ILDR2: variants seen among roughly 807,000 people sequenced by gnomAD.
ILDR2 encodes immunoglobulin like domain containing receptor 2.
A neutral mutation model predicts 66.8 loss-of-function variants in ILDR2; 25 were observed. That is an observed-to-expected ratio of 0.37 (90% CI 0.27 to 0.52). The LOEUF is 0.52. ILDR2 is among the 20% of genes least tolerant of loss of function. ILDR2 has a pLI of 0.88. For synonymous variants in ILDR2, 367 were observed against 357.2 expected (o/e 1.03, Z -0.31); for missense variants, 827 against 876.8 (o/e 0.94, Z 0.72).
At position 166,908,540 on chromosome 1, in the gene ILDR2, C is replaced by CTT. The variant is rs780834693; in HGVS notation, c.*10813_*10814dup. On this transcript the variant is annotated 3_prime_UTR_variant, in exon 10 of 10. Transcript: ENST00000271417. The stretch of plus-strand genomic sequence containing the variant: ...GCAAAATGTCCCCTGTTCTATGGAA[C>CTT]TTAGAGAGGAAGGGAGAAGCACCTT... The CTT allele has an allele frequency of 1.3e-5, 2 of 152,168 alleles. No individual in the cohort carries two copies. Among genetic ancestry groups the CTT allele is most frequent in the Non-Finnish European group, 2.9e-5 (2 of 68,034 alleles). The allele number at this position is 152,168 out of a possible 1,614,324, so 9.4% of individuals were successfully genotyped here.
intron 1 of ILDR2, among the ~76,000 whole-genome samples, chr1:166,963,580 C>G (rs540271099): frequency 2.0e-5 from 3 of 152,144 alleles, no homozygotes; most frequent in Non-Finnish European, 2.9e-5. Context: ...CCATATTTTT[C>G]TAGAATACCG....
In ILDR2 at chr1:166,920,791, G is replaced by C. The variant is rs773747676; in HGVS notation, c.1800C>G (p.Thr600=). The C allele has an allele frequency of 1.3e-6, 2 of 1,531,652 alleles. No homozygotes were observed. The highest frequency in any genetic ancestry group is 1.2e-5 in the South Asian group (1 of 81,624). 94.9% of individuals were successfully genotyped at this position (1,531,652 alleles called of 1,614,324 possible). The change falls in exon 9 of 10, where the codon ACC becomes ACG. Residue 600 remains threonine, a synonymous_variant. Coordinates refer to ENST00000271417, the MANE Select transcript of ILDR2 (RefSeq NM_199351.3). ...CGCGGCCGCGGTAGGACGGGCCGCGGGTCAGCTCCAGCTCGCTGTAGGGCG... is the reference window on the plus strand; with the variant it reads ...CGCGGCCGCGGTAGGACGGGCCGCGCGTCAGCTCCAGCTCGCTGTAGGGCG... ...ALPPYSELEL[T]RGPSYRGRDL... is the part of the protein sequence containing the mutation.
intron 3 of ILDR2, among the ~76,000 whole-genome samples, chr1:166,941,448 A>C (rs1274928847): frequency 6.6e-6 from 1 of 152,202 alleles, no homozygotes; most frequent in Non-Finnish European, 1.5e-5. Flanking sequence ...AAGCTTGAGA[A>C]AGTGATTAAG....
chr1:166,958,961 C>T (rs1340722132), intron 1 of ILDR2, among the ~76,000 whole-genome samples: 1 of 152,182 alleles, frequency 6.6e-6, no homozygotes, highest in African/African-American at 2.4e-5. Flanking sequence ...GGTACTCCGT[C>T]ATCTAGTTCC....
At chr1:166,935,592 G>T (rs748131834) in intron 5 of ILDR2, 115 bp from the exon 6 acceptor site, 1 of 893,948 alleles carries the variant, frequency 1.1e-6, no homozygotes, top group Non-Finnish European at 1.7e-6. Flanking sequence ...GTATGTGCAT[G>T]TGTGAGCGTT....
chr1:166,956,421 T>C (rs574347422), intron 3 of ILDR2, among the ~76,000 whole-genome samples: 1 of 141,810 alleles, frequency 7.1e-6, no homozygotes, highest in Non-Finnish European at 1.5e-5. Flanking sequence ...AAAATTAGCA[T>C]ATAACAAGAC....
chr1:166,957,867 A>G lies in ILDR2; in HGVS notation c.281T>C (p.Leu94Ser). The change falls in exon 2 of 10, where the codon TTG becomes TCG. Residue 94 changes from leucine (L) to serine (S), a missense_variant. Physicochemically the swap from Leu to Ser is moderately radical, Grantham distance 145 (BLOSUM62 -2). Coordinates refer to ENST00000271417, the MANE Select transcript of ILDR2 (RefSeq NM_199351.3). ...NLEWDPYLDC[L>S]DSRRTVRVVA... ...TACTCGAACAGTCCTCCTGCTGTCCAAACAATCCAAGTAGGGGTCCCATTC... is the reference window on the plus strand; with the variant it reads ...TACTCGAACAGTCCTCCTGCTGTCCGAACAATCCAAGTAGGGGTCCCATTC... 2 of 1,614,182 alleles carry G rather than the reference A, an allele frequency of 1.2e-6. No homozygotes were observed. The highest frequency in any genetic ancestry group is 8.5e-7 in the Non-Finnish European group (1 of 1,180,030).
intron 6 of ILDR2, among the ~76,000 whole-genome samples, chr1:166,928,318 A>G (rs1242033904): frequency 1.2e-4 from 19 of 152,216 alleles, no homozygotes. Context: ...GGCTGGAACC[A>G]TGTAGTCTGA....
intron 4 of ILDR2, among the ~76,000 whole-genome samples, 199 bp downstream of exon 4, chr1:166,939,315 T>C (rs1661171391): frequency 6.6e-6 from 1 of 152,200 alleles, no homozygotes; most frequent in South Asian, 2.1e-4. Flanking sequence ...TTTTTAATTA[T>C]CATTATTCTT....
intron 1 of ILDR2, among the ~76,000 whole-genome samples, chr1:166,967,496 C>G (rs1385965191): frequency 1.3e-5 from 2 of 152,196 alleles, no homozygotes. Context: ...GTGGCTCACA[C>G]CTATAATCCC....
rs902025118 is a variant in ILDR2 at position 166,908,868 on chromosome 1, T to C, written c.*10487A>G. On this transcript the variant is annotated 3_prime_UTR_variant, in exon 10 of 10. Transcript: ENST00000271417. ...GGTTGGAATAATACGTGTGAGGGAATTGGCAACAAAAGGAAGCCGGAAAGG... is the reference window on the plus strand; with the variant it reads ...GGTTGGAATAATACGTGTGAGGGAACTGGCAACAAAAGGAAGCCGGAAAGG... 6.6e-6 allele frequency: 1 copy of C among 152,200 alleles called. No individual in the cohort carries two copies. Among genetic ancestry groups the C allele is most frequent in the Non-Finnish European group, 1.5e-5 (1 of 68,046 alleles). The allele number at this position is 152,200 out of a possible 1,614,324, so 9.4% of individuals were successfully genotyped here. A position where few individuals can be genotyped will look rare whatever the true frequency, so the allele number is the denominator to read the frequency against.
intron 3 of ILDR2, among the ~76,000 whole-genome samples, chr1:166,956,287 ATTGTT>A (rs773428703): frequency 6.6e-6 from 1 of 152,098 alleles, no homozygotes; most frequent in Non-Finnish European, 1.5e-5. Flanking sequence ...TTTTCTTATG[ATTGTT>A]TTAAGTGGAG....
At chr1:166,935,167 G>A in intron 6 of ILDR2, 134 bp downstream of exon 6, 2 of 890,918 alleles carry the variant, frequency 2.2e-6, no homozygotes, top group Non-Finnish European at 1.8e-6. Flanking sequence ...TGACATAGCT[G>A]GAAGGATCCC....
chr1:166,935,193 A>G, intron 6 of ILDR2, 108 bp downstream of exon 6: 1 of 1,096,730 alleles, frequency 9.1e-7, no homozygotes, highest in Non-Finnish European at 1.4e-6. Flanking sequence ...TGGAACAGAG[A>G]AAACTATTTT....
At chr1:166,934,643 A>G (rs1660836808) in intron 6 of ILDR2, among the ~76,000 whole-genome samples, 1 of 152,086 alleles carries the variant, frequency 6.6e-6, no homozygotes, top group South Asian at 2.1e-4. Flanking sequence ...GTATCCTTCT[A>G]CCTTCTTCCA....
At chr1:166,947,335 C>T (rs1332558986) in intron 3 of ILDR2, among the ~76,000 whole-genome samples, 1 of 152,226 alleles carries the variant, frequency 6.6e-6, no homozygotes, top group East Asian at 1.9e-4. Context: ...AAAAAAGGCC[C>T]TGGCGGTCTC....
At chr1:166,957,522 T>C (rs77186137) in intron 2 of ILDR2, among the ~76,000 whole-genome samples, 2,198 of 152,302 alleles carry the variant, frequency 0.014, 51 homozygotes, top group African/African-American at 0.05. Flanking sequence ...GATGCTGGGC[T>C]CTGGAAAGAC....
At position 166,909,717 on chromosome 1, in the gene ILDR2, ATGTG is replaced by A. The variant is rs1279353357; in HGVS notation, c.*9634_*9637del. On this transcript the variant is annotated 3_prime_UTR_variant, in exon 10 of 10. Coordinates refer to ENST00000271417, the MANE Select transcript of ILDR2 (RefSeq NM_199351.3). Reference sequence around the variant, plus strand: ...AAGGTTAATAGAAATTGACATATATATGTGTGTGTGTATACATACATATATATAT... The same window carrying A: ...AAGGTTAATAGAAATTGACATATATATGTGTGTATACATACATATATATAT... 9 of 140,882 alleles carry A rather than the reference ATGTG, an allele frequency of 6.4e-5. No individual in the cohort carries two copies. The highest frequency in any genetic ancestry group is 1.4e-4 in the Non-Finnish European group (9 of 66,018). The allele number at this position is 140,882 out of a possible 1,614,324, so 8.7% of individuals were successfully genotyped here.
intron 3 of ILDR2, among the ~76,000 whole-genome samples, chr1:166,951,310 CT>C (rs1661965294): frequency 6.6e-6 from 1 of 152,176 alleles, no homozygotes; most frequent in Non-Finnish European, 1.5e-5. Flanking sequence ...GAGATCCTGC[CT>C]GGAAATGATG....
Sources: gnomAD v4.1 joint callset for allele counts (sites outside exome capture counted in the v4.1 genomes callset) on GRCh38, gnomAD v4.1.1 for gene constraint, MANE v1.5 for transcripts, NCBI Gene and HGNC (gene_info 2026-07-23, HGNC 2026-07-21) for gene names.